Variants in SIN3B observed in about 807,000 individuals in gnomAD.
SIN3B encodes the protein paired amphipathic helix protein Sin3b.
In SIN3B, 19 loss-of-function variants were observed where a neutral mutation model predicts 120.2. The observed-to-expected ratio is 0.16, with a 90% CI of 0.11 to 0.23. The LOEUF (loss-of-function observed/expected upper bound fraction) is 0.23. Ranked by LOEUF, SIN3B falls within the 10% of genes least tolerant of loss-of-function variation. SIN3B has a pLI of 1.00. For missense variants in SIN3B, 1,073 were observed against 1,573.0 expected, an observed-to-expected ratio of 0.68 and a Z score of 5.38; for synonymous variants, 654 against 653.2, an observed-to-expected ratio of 1.00 and a Z score of -0.02.
In SIN3B at chr19:16,878,721, G is replaced by A. The variant is rs549191254; in HGVS notation, c.3387G>A (p.Ser1129=). 35 of 1,594,712 alleles carry A rather than the reference G, an allele frequency of 2.2e-5. No individual in the cohort carries two copies. The highest frequency in any genetic ancestry group is 2.8e-5 in the Non-Finnish European group (33 of 1,173,776). The change falls in exon 19 of 19, where the codon TCG becomes TCA. Residue 1129 remains serine, a synonymous_variant. Coordinates refer to ENST00000248054, the MANE Select transcript of SIN3B (RefSeq NM_001297595.2). ...TGCAGTACAGCCGCCGCCCGGCCTC[G>A]CCCTGACCCGCCCTCATGGGCACCG... The part of the protein sequence containing the change: ...YRVQYSRRPA[S]P
intron 3 of SIN3B, among the ~76,000 whole-genome samples, chr19:16,839,335 A>G (rs1407700650): frequency 6.6e-6 from 1 of 152,102 alleles, no homozygotes; most frequent in Non-Finnish European, 1.5e-5. Flanking sequence ...GAGTGGGATT[A>G]CCAGGTCATA....
chr19:16,863,931 T>G (rs1971724803), intron 10 of SIN3B, 135 bp downstream of exon 10: 2 of 635,614 alleles, frequency 3.1e-6, no homozygotes, highest in East Asian at 5.6e-5. Context: ...CAACAGCTCC[T>G]GGAAGCTTCC....
At chr19:16,830,225 G>A (rs1971262353) in intron 2 of SIN3B, among the ~76,000 whole-genome samples, 1 of 152,114 alleles carries the variant, frequency 6.6e-6, no homozygotes, top group Non-Finnish European at 1.5e-5. Flanking sequence ...GATTTGGTGG[G>A]ACCCATTTTG....
intron 3 of SIN3B, among the ~76,000 whole-genome samples, chr19:16,837,525 G>A (rs1487435522): frequency 1.3e-5 from 2 of 152,052 alleles, no homozygotes; most frequent in African/African-American, 4.8e-5. Context: ...GACAGCAATG[G>A]CGACAGAGTG....
At chr19:16,871,624 C>G (rs1340789504) in intron 14 of SIN3B, 3 of 502,556 alleles carry the variant, frequency 6.0e-6, no homozygotes. Flanking sequence ...CTGTCTAGTT[C>G]CAGAACATTT....
At chr19:16,859,872 G>T (rs994223440) in intron 8 of SIN3B, among the ~76,000 whole-genome samples, 6 of 152,082 alleles carry the variant, frequency 3.9e-5, no homozygotes, top group African/African-American at 1.4e-4. Flanking sequence ...GGTCCAGCGG[G>T]CACGTGACCA....
At chr19:16,878,114 T>A in intron 17 of SIN3B, 69 bp from the exon 18 acceptor site, 1 of 1,346,842 alleles carries the variant, frequency 7.4e-7, no homozygotes, top group Non-Finnish European at 1.0e-6. Context: ...CCTGGGGGTT[T>A]CCCAGCCTGC....
intron 5 of SIN3B, among the ~76,000 whole-genome samples, chr19:16,850,071 C>T (rs1187950522): frequency 1.3e-5 from 2 of 151,874 alleles, no homozygotes; most frequent in East Asian, 3.9e-4. Flanking sequence ...AAATAATTCC[C>T]CCCAAAACTC....
chr19:16,875,738 G>A (rs71336796), intron 14 of SIN3B, among the ~76,000 whole-genome samples: 13 of 141,616 alleles, frequency 9.2e-5, no homozygotes, highest in Middle Eastern at 4.2e-3. Flanking sequence ...TGGTCTGGTC[G>A]GTTTGGTCTG....
rs745974797 is a variant in SIN3B at position 16,866,376 on chromosome 19, G to A, written c.1626G>A (p.Leu542=). The change falls in exon 12 of 19, where the codon CTG becomes CTA. Residue 542 remains leucine (L), a synonymous_variant. Coordinates refer to ENST00000248054, the MANE Select transcript of SIN3B (RefSeq NM_001297595.2). ...VTAVPVVLKR[L]KAKEEEWREA... ...CTGACCTCTCTTCCCCCCGCAGACT[G>A]AAGGCCAAGGAAGAGGAGTGGCGGG... is the stretch of plus-strand genomic sequence containing the variant. 6.2e-7 allele frequency: 1 copy of A among 1,611,100 alleles called. No individual in the cohort carries two copies. The highest frequency in any genetic ancestry group is 1.1e-5 in the South Asian group (1 of 91,006).
chr19:16,861,763 CAAAAAA>C (rs959913779), intron 8 of SIN3B, among the ~76,000 whole-genome samples: 1 of 74,494 alleles, frequency 1.3e-5, no homozygotes, highest in Admixed American at 1.5e-4. Context: ...AACTCTGTCT[CAAAAAA>C]AAAAAAAAAA....
chr19:16,859,495 A>G (rs1971658869), intron 8 of SIN3B, among the ~76,000 whole-genome samples: 1 of 152,142 alleles, frequency 6.6e-6, no homozygotes, highest in Admixed American at 6.5e-5. Flanking sequence ...AATGCTCCTG[A>G]GTCTGCGACC....
intron 3 of SIN3B, among the ~76,000 whole-genome samples, chr19:16,838,564 A>G (rs907100499): frequency 2.6e-5 from 4 of 152,092 alleles, no homozygotes; most frequent in Non-Finnish European, 5.9e-5. Context: ...CACATTTCGC[A>G]TGCCCACTCT....
chr19:16,866,793 G>A (rs990467657), intron 12 of SIN3B, among the ~76,000 whole-genome samples: 2 of 152,220 alleles, frequency 1.3e-5, no homozygotes, highest in Admixed American at 1.3e-4. Context: ...GTCTCGCTGT[G>A]TTACACAGGC....
At position 16,879,095 on chromosome 19, in the gene SIN3B, C is replaced by T; in HGVS notation, c.*368C>T. ...CGTGTCTTGGAAAAGTCACAGGTGACAGCCCTCCTGAGGCCCACACTTTGG... is the reference window on the plus strand; with the variant it reads ...CGTGTCTTGGAAAAGTCACAGGTGATAGCCCTCCTGAGGCCCACACTTTGG... On this transcript the variant is annotated 3_prime_UTR_variant, in exon 19 of 19. Transcript: ENST00000248054. 1 of 289,562 alleles carries T rather than the reference C, an allele frequency of 3.5e-6. No individual in the cohort carries two copies. Among genetic ancestry groups the T allele is most frequent in the Non-Finnish European group, 6.5e-6 (1 of 154,626 alleles). The allele number at this position is 289,562 out of a possible 1,614,324, so 17.9% of individuals were successfully genotyped here. A position where few individuals can be genotyped will look rare whatever the true frequency, so the allele number is the denominator to read the frequency against.
intron 12 of SIN3B, 112 bp from the exon 13 acceptor site, chr19:16,869,348 G>C: frequency 7.2e-7 from 1 of 1,386,536 alleles, no homozygotes; most frequent in Non-Finnish European, 9.7e-7. Flanking sequence ...TCCTGCTCTG[G>C]GCAGCGCTCA....
intron 13 of SIN3B, 32 bp downstream of exon 13, chr19:16,870,107 G>A (rs770954603): frequency 5.8e-5 from 88 of 1,524,364 alleles, no homozygotes; most frequent in Middle Eastern, 4.7e-4. Context: ...GGAGGCCCCG[G>A]GGGGTGCCTG....
intron 13 of SIN3B, among the ~76,000 whole-genome samples, chr19:16,870,461 T>G (rs1362841058): frequency 1.3e-5 from 2 of 151,760 alleles, no homozygotes; most frequent in Non-Finnish European, 2.9e-5. Context: ...CTCGGCCCAC[T>G]GCAACCTCCA....
chr19:16,871,508 G>T, intron 14 of SIN3B, 110 bp downstream of exon 14: 1 of 1,026,636 alleles, frequency 9.7e-7, no homozygotes, highest in Admixed American at 3.0e-5. Flanking sequence ...AACCTATCCT[G>T]TTTTTTCTTA....
Sources: allele counts gnomAD v4.1 joint callset (sites outside exome capture counted in the v4.1 genomes callset), GRCh38; gene constraint gnomAD v4.1.1; transcripts MANE v1.5; gene names NCBI Gene and HGNC (gene_info 2026-07-23, HGNC 2026-07-21).